Variants in DOCK9 observed in about 807,000 individuals in gnomAD.
DOCK9 encodes dedicator of cytokinesis protein 9.
Under a neutral mutation model 263.3 loss-of-function variants are expected in DOCK9, and 89 were observed. The ratio of observed to expected loss-of-function variants is 0.34; its 90% CI spans 0.28 to 0.40. DOCK9 has a LOEUF of 0.40. DOCK9 is among the 10% of genes least tolerant of loss of function. DOCK9 has a pLI of 1.00. For synonymous variants in DOCK9, 976 were observed against 973.1 expected (o/e 1.00, Z -0.06); for missense variants, 2,140 against 2,603.4 (o/e 0.82, Z 3.87).
intron 7 of DOCK9, among the ~76,000 whole-genome samples, chr13:98,917,453 G>A (rs2051067134): frequency 6.6e-6 from 1 of 152,132 alleles, no homozygotes; most frequent in African/African-American, 2.4e-5. Context: ...TTACTTCACA[G>A]ACATTGTCAA....
chr13:98,811,301 C>A (rs539107069), intron 45 of DOCK9, among the ~76,000 whole-genome samples: 32 of 152,112 alleles, frequency 2.1e-4, no homozygotes, highest in African/African-American at 7.7e-4. Context: ...AAATCTTTTG[C>A]TCATTTTTCT....
chr13:98,863,716 C>T (rs2093941318), intron 30 of DOCK9, among the ~76,000 whole-genome samples, 168 bp from the exon 31 acceptor site: 1 of 152,210 alleles, frequency 6.6e-6, no homozygotes, highest in South Asian at 2.1e-4. Context: ...ATCAATTCTA[C>T]AAGGCTGCTC....
chr13:98,813,547 T>C (rs1177075692), intron 45 of DOCK9, among the ~76,000 whole-genome samples: 5 of 152,236 alleles, frequency 3.3e-5, no homozygotes, highest in East Asian at 3.8e-4. Context: ...GAGCCAGCTA[T>C]GCACTCCCAG....
At chr13:99,045,802 A>AC (rs1888929620) in intron 1 of DOCK9, among the ~76,000 whole-genome samples, 3 of 152,018 alleles carry the variant, frequency 2.0e-5, no homozygotes, top group Non-Finnish European at 4.4e-5. Flanking sequence ...ACAAAACAAA[A>AC]AAAACAGCAG....
chr13:98,933,865 CTGTTGTTGTTGTTGTTGTTGT>C (rs71724333), intron 2 of DOCK9, among the ~76,000 whole-genome samples: 193 of 149,036 alleles, frequency 1.3e-3, no homozygotes, highest in Non-Finnish European at 2.0e-3. Context: ...AACCTAGCCT[CTGTTGTTGTTGTTGTTGTTGT>C]TGTTGTTGTT....
At chr13:98,907,324 C>T (rs1198962438) in intron 9 of DOCK9, among the ~76,000 whole-genome samples, 3 of 152,170 alleles carry the variant, frequency 2.0e-5, no homozygotes, top group African/African-American at 7.2e-5. Flanking sequence ...TTCTCAGACG[C>T]TAGAGCAGAG....
chr13:99,032,060 A>C (rs1402067184), intron 1 of DOCK9, among the ~76,000 whole-genome samples: 4 of 152,254 alleles, frequency 2.6e-5, no homozygotes, highest in African/African-American at 9.6e-5. Flanking sequence ...GGGGAGAACT[A>C]ATGATAACCC....
Position 98,794,608 on chromosome 13 carries a change from A to G in DOCK9, c.*18T>C, listed in dbSNP as rs772705915. The G allele has an allele frequency of 6.4e-7, 1 of 1,569,108 alleles. No homozygotes were observed. Reference sequence around the variant, plus strand: ...CAAATGACAAAGCAAGTCCCCACACACGGGCCATGAGATGTAATCACACGA... The same window carrying G: ...CAAATGACAAAGCAAGTCCCCACACGCGGGCCATGAGATGTAATCACACGA... On this transcript the variant is annotated 3_prime_UTR_variant, in exon 53 of 53. Transcript: ENST00000682017.
intron 1 of DOCK9, among the ~76,000 whole-genome samples, chr13:99,082,844 A>C (rs1480783677): frequency 6.6e-6 from 1 of 152,220 alleles, no homozygotes; most frequent in Non-Finnish European, 1.5e-5. Context: ...TAAGTTATAT[A>C]CCTAAGATTG....
At chr13:99,072,380 G>A (rs1358960591) in intron 1 of DOCK9, among the ~76,000 whole-genome samples, 1 of 152,118 alleles carries the variant, frequency 6.6e-6, no homozygotes, top group Non-Finnish European at 1.5e-5. Context: ...CATTGTCTTT[G>A]GTGTTGAACT....
chr13:98,961,685 G>A (rs982958470), intron 1 of DOCK9, among the ~76,000 whole-genome samples: 1 of 152,156 alleles, frequency 6.6e-6, no homozygotes, highest in Non-Finnish European at 1.5e-5. Context: ...CTCAGGGCAG[G>A]GCTGAGTCTT....
chr13:98,885,271 T>G, intron 20 of DOCK9, 179 bp from the exon 21 acceptor site: 1 of 841,298 alleles, frequency 1.2e-6, no homozygotes, highest in Non-Finnish European at 1.8e-6. Flanking sequence ...TACTTAGGCC[T>G]TTTCGGGGTT....
intron 7 of DOCK9, among the ~76,000 whole-genome samples, chr13:98,919,265 A>T (rs183724405): frequency 6.6e-6 from 1 of 152,076 alleles, no homozygotes; most frequent in Admixed American, 6.5e-5. Flanking sequence ...ACCCACCACC[A>T]CGCCTGGCTA....
chr13:98,924,658 G>A (rs2052630336), intron 4 of DOCK9, among the ~76,000 whole-genome samples: 1 of 152,184 alleles, frequency 6.6e-6, no homozygotes, highest in Non-Finnish European at 1.5e-5. Flanking sequence ...CTGGCAAGAT[G>A]GGATTACTTG....
intron 50 of DOCK9, among the ~76,000 whole-genome samples, chr13:98,798,074 A>C (rs1170173838): frequency 1.3e-5 from 2 of 152,166 alleles, no homozygotes; most frequent in Non-Finnish European, 2.9e-5. Context: ...CGGTGAGTGA[A>C]CCAGAACCCT....
intron 1 of DOCK9, among the ~76,000 whole-genome samples, chr13:99,011,756 C>A (rs1240910178): frequency 6.6e-6 from 1 of 152,178 alleles, no homozygotes. Context: ...AGTCACACAA[C>A]TATTAAGTTG....
intron 36 of DOCK9, among the ~76,000 whole-genome samples, 164 bp from the exon 37 acceptor site, chr13:98,848,803 T>TGC (rs1295181504): frequency 6.6e-6 from 1 of 152,208 alleles, no homozygotes. Flanking sequence ...CTCTGGAAAG[T>TGC]GCCTTCAAAC....
At chr13:98,893,176 G>T (rs914410162) in intron 15 of DOCK9, among the ~76,000 whole-genome samples, 17 of 152,218 alleles carry the variant, frequency 1.1e-4, no homozygotes, top group African/African-American at 4.1e-4. Context: ...CTTGAGTGCA[G>T]TGTAACCAGA....
chr13:98,887,393 G>C (rs1467598573), intron 18 of DOCK9, among the ~76,000 whole-genome samples: 1 of 150,888 alleles, frequency 6.6e-6, no homozygotes, highest in African/African-American at 2.4e-5. Flanking sequence ...AAGGTGGGCA[G>C]ATCACACGGT....
Sources: allele counts gnomAD v4.1 joint callset (sites outside exome capture counted in the v4.1 genomes callset), GRCh38; gene constraint gnomAD v4.1.1; transcripts MANE v1.5; gene names NCBI Gene and HGNC (gene_info 2026-07-23, HGNC 2026-07-21).